The following NDC1 variants were observed in gnomAD, a reference collection of about 807,000 sequenced individuals.
The protein encoded by NDC1 is nucleoporin NDC1.
A neutral mutation model predicts 89.8 loss-of-function variants in NDC1; 24 were observed. That is an observed-to-expected ratio of 0.27 (90% CI 0.19 to 0.38). NDC1 has a LOEUF of 0.38. Ranked by LOEUF, NDC1 falls within the 10% of genes least tolerant of loss-of-function variation. The pLI, the probability that NDC1 is intolerant of heterozygous loss-of-function variation, is 1.00. For synonymous variants in NDC1, 296 were observed against 284.8 expected (o/e 1.04, Z -0.39); for missense variants, 728 against 797.6 (o/e 0.91, Z 1.05).
chr1:53,775,802 G>T (rs1647158047), intron 16 of NDC1, among the ~76,000 whole-genome samples: 1 of 152,048 alleles, frequency 6.6e-6, no homozygotes, highest in Admixed American at 6.6e-5. Flanking sequence ...ATAAAATACT[G>T]TGGGATGAAG....
At position 53,766,981 on chromosome 1, in the gene NDC1, G is replaced by A. The variant is rs1383680669; in HGVS notation, c.*989C>T. 1.3e-5 allele frequency: 2 copies of A among 152,148 alleles called. No homozygotes were observed. Among genetic ancestry groups the A allele is most frequent in the African/African-American group, 4.8e-5 (2 of 41,420 alleles). 9.4% of individuals were successfully genotyped at this position (152,148 alleles called of 1,614,324 possible). ...GACGTTTTGGTTTCACTTGCTATTT[G>A]ATGACTAAGTTGTTTCTGGCTATAA... On this transcript the variant is annotated 3_prime_UTR_variant, in exon 18 of 18. Transcript: ENST00000371429.
intron 3 of NDC1, 136 bp downstream of exon 3, chr1:53,832,351 TACA>T: frequency 1.9e-6 from 1 of 526,522 alleles, no homozygotes; most frequent in East Asian, 3.1e-5. Flanking sequence ...AATTTTAAGG[TACA>T]ACATTTGAAG....
At chr1:53,785,052 TC>T (rs1647271880) in intron 16 of NDC1, among the ~76,000 whole-genome samples, 1 of 152,132 alleles carries the variant, frequency 6.6e-6, no homozygotes, top group South Asian at 2.1e-4. Flanking sequence ...GGGTTCTAGT[TC>T]CAGCTCTGCC....
chr1:53,836,836 A>T (rs1219526903), intron 1 of NDC1, among the ~76,000 whole-genome samples: 5 of 152,208 alleles, frequency 3.3e-5, no homozygotes, highest in Non-Finnish European at 5.9e-5. Flanking sequence ...AAGAGCTAAA[A>T]CTATAAAACT....
intron 9 of NDC1, among the ~76,000 whole-genome samples, chr1:53,804,684 C>A (rs1241184627): frequency 6.6e-6 from 1 of 152,154 alleles, no homozygotes; most frequent in Non-Finnish European, 1.5e-5. Flanking sequence ...ACCATGTTGG[C>A]CAGGTTGTTC....
At chr1:53,829,421 T>G (rs1287334332) in intron 3 of NDC1, among the ~76,000 whole-genome samples, 1 of 152,206 alleles carries the variant, frequency 6.6e-6, no homozygotes, top group East Asian at 1.9e-4. Context: ...TTTTCCTTCT[T>G]TGTCTACTTA....
intron 5 of NDC1, among the ~76,000 whole-genome samples, chr1:53,823,335 C>CA (rs1648737565): frequency 6.6e-6 from 1 of 152,142 alleles, no homozygotes; most frequent in Non-Finnish European, 1.5e-5. Flanking sequence ...TACCAATTAT[C>CA]AAAAATCAAT....
At chr1:53,816,404 G>C (rs1402903498) in intron 6 of NDC1, among the ~76,000 whole-genome samples, 4 of 152,100 alleles carry the variant, frequency 2.6e-5, no homozygotes, top group Non-Finnish European at 5.9e-5. Flanking sequence ...ACATGTAGAA[G>C]AATGAAACTG....
intron 16 of NDC1, among the ~76,000 whole-genome samples, chr1:53,776,399 A>G (rs1345081918): frequency 1.3e-5 from 2 of 152,226 alleles, no homozygotes; most frequent in East Asian, 3.8e-4. Context: ...TACAAAGTGA[A>G]AAACAAACAC....
Position 53,828,022 on chromosome 1 carries a change from C to T in NDC1, c.432G>A (p.Val144=). The change falls in exon 4 of 18, where the codon GTG becomes GTA. Residue 144 remains valine (V), a synonymous_variant. Transcript: ENST00000371429. The part of the protein sequence containing the change: ...VITQGQYSFL[V]VPCTGTNSFG... ...ACCTGTTAGTACCAGTGCAGGGAAC[C>T]ACAAGAAAGCTGTACTGGCCCTGGG... 6.2e-7 allele frequency: 1 copy of T among 1,612,070 alleles called. No homozygotes were observed. Among genetic ancestry groups the T allele is most frequent in the Non-Finnish European group, 8.5e-7 (1 of 1,178,890 alleles).
chr1:53,790,799 A>T (rs1358348070), intron 14 of NDC1, among the ~76,000 whole-genome samples: 2 of 152,204 alleles, frequency 1.3e-5, no homozygotes, highest in African/African-American at 4.8e-5. Flanking sequence ...CTCAAAGAAA[A>T]ACCGCCTAAC....
chr1:53,782,379 G>A (rs1164893504), intron 16 of NDC1, among the ~76,000 whole-genome samples: 1 of 152,210 alleles, frequency 6.6e-6, no homozygotes, highest in East Asian at 1.9e-4. Context: ...GGTGGGTAAT[G>A]GAACTGCCAC....
At chr1:53,831,448 G>A (rs1049936778) in intron 3 of NDC1, among the ~76,000 whole-genome samples, 2 of 151,920 alleles carry the variant, frequency 1.3e-5, no homozygotes, top group African/African-American at 2.4e-5. Flanking sequence ...GAGGCCGAGG[G>A]CAGATCACAA....
At chr1:53,814,380 A>AT (rs1218604687) in intron 6 of NDC1, among the ~76,000 whole-genome samples, 11 of 151,794 alleles carry the variant, frequency 7.2e-5, no homozygotes, top group Non-Finnish European at 1.2e-4. Flanking sequence ...AAATAAATAA[A>AT]AAATAATTTT....
chr1:53,810,021 A>G (rs1648249785), intron 6 of NDC1, among the ~76,000 whole-genome samples: 1 of 152,232 alleles, frequency 6.6e-6, no homozygotes, highest in African/African-American at 2.4e-5. Flanking sequence ...TTACTGTGGT[A>G]TATTAACTAT....
Position 53,803,947 on chromosome 1 carries a change from A to G in NDC1, c.1047T>C (p.Val349=). 1 of 1,613,864 alleles carries G rather than the reference A, an allele frequency of 6.2e-7. No individual in the cohort carries two copies. The highest frequency in any genetic ancestry group is 8.5e-7 in the Non-Finnish European group (1 of 1,179,748). ...CAATACCTGGTTGGCTGAGGCTGAA[A>G]ACTTCTTGTCTTCGTGAAGGAGAAT... The part of the protein sequence containing the change: ...SQYSPSRRQE[V]FSLSQPGGHP... Residue 349 remains valine (V), a synonymous_variant, in exon 10 of 18, where the codon GTT becomes GTC. Coordinates refer to ENST00000371429, the MANE Select transcript of NDC1 (RefSeq NM_018087.5).
chr1:53,809,324 G>A (rs1474145985), intron 7 of NDC1, among the ~76,000 whole-genome samples: 1 of 152,122 alleles, frequency 6.6e-6, no homozygotes, highest in African/African-American at 2.4e-5. Context: ...GGAGACAGAG[G>A]AGGAGACTTT....
chr1:53,837,017 A>G (rs1282071350), intron 1 of NDC1, among the ~76,000 whole-genome samples: 1 of 152,242 alleles, frequency 6.6e-6, no homozygotes, highest in African/African-American at 2.4e-5. Context: ...GCGGTGGCTC[A>G]CAAGTGCCAA....
chr1:53,807,886 C>G, intron 7 of NDC1, 95 bp from the exon 8 acceptor site: 1 of 1,149,344 alleles, frequency 8.7e-7, no homozygotes, highest in South Asian at 1.6e-5. Context: ...AATATTATGT[C>G]TAAATAACAA....
Sources: gnomAD v4.1 joint callset for allele counts (sites outside exome capture counted in the v4.1 genomes callset) on GRCh38, gnomAD v4.1.1 for gene constraint, MANE v1.5 for transcripts, NCBI Gene and HGNC (gene_info 2026-07-23, HGNC 2026-07-21) for gene names.